The following HNF4G variants were observed in gnomAD, a reference collection of about 807,000 sequenced individuals.
The protein encoded by HNF4G is hepatocyte nuclear factor 4 gamma.
A neutral mutation model predicts 50.9 loss-of-function variants in HNF4G; 21 were observed. That is an observed-to-expected ratio of 0.41 (90% CI 0.29 to 0.59). The LOEUF is 0.59. Among genes scored for constraint, HNF4G ranks in the 20% least tolerant of loss-of-function variants. The pLI is 0.26. For synonymous variants in HNF4G, 198 were observed against 185.6 expected (o/e 1.07, Z -0.54); for missense variants, 527 against 559.4 (o/e 0.94, Z 0.58).
At chr8:75,552,979 A>C (rs928859082) in intron 4 of HNF4G, 63 bp from the exon 5 acceptor site, 2 of 1,227,528 alleles carry the variant, frequency 1.6e-6, no homozygotes, top group Non-Finnish European at 2.3e-6. Flanking sequence ...GTCAAAAGAA[A>C]AAAAGGGGAA....
chr8:75,510,855 A>G (rs955766772), intron 2 of HNF4G, among the ~76,000 whole-genome samples: 23 of 152,162 alleles, frequency 1.5e-4, no homozygotes, highest in African/African-American at 5.5e-4. Flanking sequence ...GTTGGATTCT[A>G]TGTAATTAAA....
At chr8:75,514,604 G>C (rs1805845762) in intron 2 of HNF4G, among the ~76,000 whole-genome samples, 1 of 151,626 alleles carries the variant, frequency 6.6e-6, no homozygotes, top group South Asian at 2.1e-4. Context: ...GTCTGCTTTG[G>C]CCTCTCAAAG....
rs767327156 is a variant in HNF4G at position 75,438,970 on chromosome 8, G to C, written c.-144+30808G>C. ...AAGGTACTCCAAAACCATTTATAGA[G>C]ATCTTCCTCATTATTTCTTTGTAGT... is the stretch of plus-strand genomic sequence containing the variant. On this transcript the variant is annotated intron_variant, in intron 1 of 10. Coordinates refer to the HNF4G transcript ENST00000354370. Among the ~76,000 whole-genome samples, 8 of 151,836 alleles carry C rather than the reference G, an allele frequency of 5.3e-5. 1 individual carries two copies. The East Asian group carries it at 1.5e-3, about 29-fold the overall frequency.
At chr8:75,501,441 A>T (rs569204032) in intron 2 of HNF4G, among the ~76,000 whole-genome samples, 40 of 152,218 alleles carry the variant, frequency 2.6e-4, no homozygotes, top group Non-Finnish European at 4.6e-4. Flanking sequence ...ATCCTGTCTC[A>T]GATAACAAAA....
chr8:75,559,021 G>A lies in HNF4G; in HGVS notation c.1107G>A (p.Gln369=). The change falls in exon 8 of 10, where the codon CAG becomes CAA. Residue 369 remains glutamine, a synonymous_variant. Transcript: ENST00000396423. Reference sequence around the variant, plus strand: ...TGGTTAAAATTGACAATCTACTTCAGGAAATGCTATTAGGTGGTGAGTACA... The same window carrying A: ...TGGTTAAAATTGACAATCTACTTCAAGAAATGCTATTAGGTGGTGAGTACA... ...FGMVKIDNLL[Q]EMLLGGASND... The A allele has an allele frequency of 6.3e-7, 1 of 1,578,236 alleles. No individual in the cohort carries two copies. The highest frequency in any genetic ancestry group is 8.7e-7 in the Non-Finnish European group (1 of 1,147,496).
intron 1 of HNF4G, among the ~76,000 whole-genome samples, chr8:75,421,323 G>C (rs1380595980): frequency 6.6e-6 from 1 of 152,118 alleles, no homozygotes; most frequent in African/African-American, 2.4e-5. Context: ...CCAGGTCTAA[G>C]GGTTATTTAA....
chr8:75,508,471 T>C (rs1211348949), intron 2 of HNF4G, among the ~76,000 whole-genome samples: 4 of 152,050 alleles, frequency 2.6e-5, no homozygotes, highest in Non-Finnish European at 4.4e-5. Flanking sequence ...CCTTAATAAC[T>C]GTATGAAAAA....
intron 9 of HNF4G, among the ~76,000 whole-genome samples, chr8:75,563,631 T>C (rs1807380817): frequency 1.3e-5 from 2 of 152,152 alleles, no homozygotes; most frequent in African/African-American, 4.8e-5. Flanking sequence ...GAGAAAACTG[T>C]CCTTCTGTTA....
chr8:75,469,994 C>T (rs1275170785), intron 1 of HNF4G, among the ~76,000 whole-genome samples: 1 of 152,162 alleles, frequency 6.6e-6, no homozygotes, highest in East Asian at 1.9e-4. Context: ...TCTTCTCTTT[C>T]CCATTCACCA....
intron 1 of HNF4G, among the ~76,000 whole-genome samples, chr8:75,467,584 T>A (rs891063087): frequency 1.3e-5 from 2 of 151,008 alleles, no homozygotes; most frequent in African/African-American, 4.9e-5. Flanking sequence ...CACTTGAACC[T>A]GGGAGGCGGA....
At chr8:75,434,778 C>A (rs960351733) in intron 1 of HNF4G, among the ~76,000 whole-genome samples, 1 of 151,730 alleles carries the variant, frequency 6.6e-6, no homozygotes, top group Non-Finnish European at 1.5e-5. Context: ...TACAGGGACA[C>A]GATAAATAGC....
At chr8:75,532,482 G>T (rs1227404935) in intron 2 of HNF4G, among the ~76,000 whole-genome samples, 3 of 152,116 alleles carry the variant, frequency 2.0e-5, no homozygotes, top group South Asian at 4.1e-4. Flanking sequence ...TTATATTTAT[G>T]TGGGCACCTT....
chr8:75,544,776 A>G (rs919473811), intron 2 of HNF4G, among the ~76,000 whole-genome samples: 22 of 152,102 alleles, frequency 1.4e-4, no homozygotes, highest in African/African-American at 5.1e-4. Flanking sequence ...TAGGCTATTA[A>G]CAAAAATGGT....
upstream of HNF4G, among the ~76,000 whole-genome samples, chr8:75,537,145 G>A (rs918311820): frequency 6.6e-6 from 1 of 152,106 alleles, no homozygotes; most frequent in Non-Finnish European, 1.5e-5. Flanking sequence ...GTTACCTAGT[G>A]TATGACTGCC....
intron 2 of HNF4G, among the ~76,000 whole-genome samples, chr8:75,502,193 T>C (rs907303653): frequency 2.6e-5 from 4 of 152,168 alleles, no homozygotes; most frequent in African/African-American, 9.7e-5. Flanking sequence ...TTATTAACTA[T>C]GGTCAGCATT....
At chr8:75,492,776 A>T (rs1812664503) in intron 2 of HNF4G, among the ~76,000 whole-genome samples, 1 of 151,956 alleles carries the variant, frequency 6.6e-6, no homozygotes, top group Admixed American at 6.6e-5. Context: ...CACAGAAACC[A>T]CTCAAGGAAG....
intron 2 of HNF4G, among the ~76,000 whole-genome samples, chr8:75,544,803 A>G (rs73690958): frequency 0.047 from 7,223 of 152,192 alleles, 208 homozygotes; most frequent in Middle Eastern, 0.071. Context: ...TAACATAAAA[A>G]TAACTATGTT....
intron 1 of HNF4G, among the ~76,000 whole-genome samples, chr8:75,466,896 C>G (rs1259233256): frequency 6.6e-6 from 1 of 151,936 alleles, no homozygotes; most frequent in Non-Finnish European, 1.5e-5. Flanking sequence ...GTGGCCCATT[C>G]TGGTCTTGAA....
At chr8:75,438,594 T>G (rs1460248) in intron 1 of HNF4G, among the ~76,000 whole-genome samples, 1 of 152,090 alleles carries the variant, frequency 6.6e-6, no homozygotes, top group Non-Finnish European at 1.5e-5. Flanking sequence ...AGTTATGATA[T>G]TCATTTGGAA....
Sources: gnomAD v4.1 joint callset for allele counts (sites outside exome capture counted in the v4.1 genomes callset) on GRCh38, gnomAD v4.1.1 for gene constraint, MANE v1.5 for transcripts, NCBI Gene and HGNC (gene_info 2026-07-23, HGNC 2026-07-21) for gene names.